Variants in TMEM108 observed in about 807,000 individuals in gnomAD.
The protein encoded by TMEM108 is cancer/testis antigen 124.
Under a neutral mutation model 35.1 loss-of-function variants are expected in TMEM108, and 12 were observed. The ratio of observed to expected loss-of-function variants is 0.34; its 90% CI spans 0.22 to 0.55. The LOEUF (loss-of-function observed/expected upper bound fraction) is 0.55, where lower values mean the gene tolerates loss of function less well. Ranked by LOEUF, TMEM108 falls within the 20% of genes least tolerant of loss-of-function variation. The pLI is 0.89. For missense variants in TMEM108, 680 were observed against 753.3 expected, an observed-to-expected ratio of 0.90 and a Z score of 1.14; for synonymous variants, 287 against 308.6, an observed-to-expected ratio of 0.93 and a Z score of 0.73.
intron 2 of TMEM108, among the ~76,000 whole-genome samples, chr3:133,148,034 G>A (rs552922365): frequency 6.6e-6 from 1 of 152,248 alleles, no homozygotes; most frequent in African/African-American, 2.4e-5. Flanking sequence ...TGCATATTTG[G>A]ATAGCTAGCT....
intron 5 of TMEM108, among the ~76,000 whole-genome samples, chr3:133,395,602 G>T (rs184041272): frequency 1.3e-5 from 2 of 152,232 alleles, no homozygotes; most frequent in East Asian, 3.9e-4. Flanking sequence ...GATTCCAGAA[G>T]CAGGGAACAT....
rs114797252 is a variant in TMEM108 at position 133,360,136 on chromosome 3, C to T, written c.41-19616C>T. 4.3e-3 allele frequency among the ~76,000 whole-genome samples: 647 copies of T among 151,086 alleles called. 3 individuals are homozygous for T. Among genetic ancestry groups the T allele is most frequent in the African/African-American group, 0.015 (601 of 41,188 alleles). ...ATTTCATTTTTGTAAAAATCTAGAA[C>T]ACACAAAAGAAACCTACAGTGATAG... On this transcript the variant is annotated intron_variant, in intron 3 of 5. Coordinates refer to ENST00000321871, the MANE Select transcript of TMEM108 (RefSeq NM_023943.4).
At chr3:133,232,844 A>T (rs1231178852) in intron 3 of TMEM108, among the ~76,000 whole-genome samples, 1 of 152,232 alleles carries the variant, frequency 6.6e-6, no homozygotes, top group Non-Finnish European at 1.5e-5. Context: ...GATATCTTGG[A>T]AAAGCTGAAA....
chr3:133,267,598 T>C (rs1946717143), intron 3 of TMEM108, among the ~76,000 whole-genome samples: 1 of 152,240 alleles, frequency 6.6e-6, no homozygotes, highest in Non-Finnish European at 1.5e-5. Context: ...CCTCACAATT[T>C]CCATAGATCA....
intron 3 of TMEM108, among the ~76,000 whole-genome samples, chr3:133,374,870 C>T (rs374814940): frequency 6.6e-6 from 1 of 152,158 alleles, no homozygotes; most frequent in Non-Finnish European, 1.5e-5. Context: ...TGAATCATTG[C>T]TTTTGAATGG....
intron 2 of TMEM108, among the ~76,000 whole-genome samples, chr3:133,057,435 G>GTGTATA (rs1559818400): frequency 2.2e-5 from 1 of 45,728 alleles, no homozygotes; most frequent in Non-Finnish European, 4.5e-5. Flanking sequence ...GTGTGTGTGT[G>GTGTATA]TATATATATA....
In TMEM108 at chr3:133,111,174, A is replaced by G. The variant is rs1944219957; in HGVS notation, c.-47+65154A>G. Among the ~76,000 whole-genome samples the G allele has an allele frequency of 3.3e-5, 5 of 152,214 alleles. No homozygotes were observed. In the South Asian group the frequency reaches 1.0e-3, roughly 32 times the overall value. On this transcript the variant is annotated intron_variant, in intron 2 of 5. Transcript: ENST00000321871. ...AATTTTTGAATGTAGTGTAAAAGCC[A>G]GAGATTTAGGGCAGAATTTATGTCT...
chr3:133,233,890 TG>T (rs1489018932), intron 3 of TMEM108, among the ~76,000 whole-genome samples: 2 of 151,904 alleles, frequency 1.3e-5, no homozygotes, highest in African/African-American at 4.8e-5. Flanking sequence ...TGGGGTTGTT[TG>T]TTTTTTTCTT....
At chr3:133,207,040 G>A (rs1042189999) in intron 2 of TMEM108, among the ~76,000 whole-genome samples, 2 of 152,194 alleles carry the variant, frequency 1.3e-5, no homozygotes, top group Non-Finnish European at 2.9e-5. Flanking sequence ...GGCTACAGAG[G>A]GTTTGCGGAG....
At chr3:133,141,517 T>C (rs1342288129) in intron 2 of TMEM108, among the ~76,000 whole-genome samples, 1 of 152,120 alleles carries the variant, frequency 6.6e-6, no homozygotes, top group Non-Finnish European at 1.5e-5. Flanking sequence ...ACGCTACCTG[T>C]CCATGGGATG....
At chr3:133,327,304 A>C (rs2071344184) in intron 3 of TMEM108, among the ~76,000 whole-genome samples, 1 of 152,170 alleles carries the variant, frequency 6.6e-6, no homozygotes, top group Non-Finnish European at 1.5e-5. Context: ...GACCATATTA[A>C]AGTTTCTTTG....
chr3:133,117,085 T>G (rs1944297321), intron 2 of TMEM108, among the ~76,000 whole-genome samples: 1 of 152,250 alleles, frequency 6.6e-6, no homozygotes, highest in Non-Finnish European at 1.5e-5. Context: ...TACCTGCATT[T>G]AATTCAAACA....
At chr3:133,220,906 G>A (rs985577233) in intron 2 of TMEM108, among the ~76,000 whole-genome samples, 1 of 152,128 alleles carries the variant, frequency 6.6e-6, no homozygotes, top group South Asian at 2.1e-4. Context: ...GGCTCATAGA[G>A]CTCAGAAAGT....
intron 2 of TMEM108, among the ~76,000 whole-genome samples, chr3:133,099,094 G>C (rs1242369703): frequency 1.3e-5 from 2 of 152,216 alleles, no homozygotes; most frequent in Admixed American, 6.5e-5. Flanking sequence ...GAGCATTTAG[G>C]CGTTTCCATT....
intron 3 of TMEM108, among the ~76,000 whole-genome samples, chr3:133,232,196 G>C (rs1383079497): frequency 6.6e-6 from 1 of 152,138 alleles, no homozygotes; most frequent in Non-Finnish European, 1.5e-5. Context: ...ATCCCGTTTT[G>C]GAGGTAGGGC....
chr3:133,083,190 G>A (rs1008846943), intron 2 of TMEM108, among the ~76,000 whole-genome samples: 67 of 63,590 alleles, frequency 1.1e-3, no homozygotes, highest in African/African-American at 3.4e-3. Flanking sequence ...ACCCCCCGCC[G>A]CCCCACTCCT....
At chr3:133,273,457 A>T (rs1233790294) in intron 3 of TMEM108, among the ~76,000 whole-genome samples, 1 of 152,084 alleles carries the variant, frequency 6.6e-6, no homozygotes, top group Non-Finnish European at 1.5e-5. Context: ...CACCACGTCT[A>T]CCTCCCACAC....
intron 3 of TMEM108, among the ~76,000 whole-genome samples, chr3:133,235,255 T>C (rs1946217468): frequency 1.3e-5 from 2 of 151,420 alleles, no homozygotes; most frequent in East Asian, 1.9e-4. Flanking sequence ...AAAACTACTT[T>C]AAAGTTCATA....
At chr3:133,364,171 T>A (rs1397161220) in intron 3 of TMEM108, among the ~76,000 whole-genome samples, 1 of 152,264 alleles carries the variant, frequency 6.6e-6, no homozygotes, top group Non-Finnish European at 1.5e-5. Flanking sequence ...CCCAGGCCAC[T>A]GAGCTAGAAA....
Sources: allele counts gnomAD v4.1 joint callset (sites outside exome capture counted in the v4.1 genomes callset), GRCh38; gene constraint gnomAD v4.1.1; transcripts MANE v1.5; gene names NCBI Gene and HGNC (gene_info 2026-07-23, HGNC 2026-07-21).